RANBP3: variants seen among roughly 807,000 people sequenced by gnomAD.
RANBP3 encodes the protein ran-binding protein 3.
In RANBP3, 14 loss-of-function variants were observed where a neutral mutation model predicts 77.3. That is an observed-to-expected ratio of 0.18 (90% confidence interval 0.12 to 0.28). The LOEUF (loss-of-function observed/expected upper bound fraction) is 0.28. RANBP3 is among the 10% of genes least tolerant of loss of function. RANBP3 has a pLI of 1.00. For synonymous variants in RANBP3, 315 were observed against 312.4 expected (o/e 1.01, Z -0.09); for missense variants, 586 against 752.3 (o/e 0.78, Z 2.59).
rs754727103 is a variant in RANBP3 at position 5,917,919 on chromosome 19, C to T, written c.1535G>A (p.Arg512His). Residue 512 changes from arginine to histidine, a missense_variant, in exon 16 of 17, where the codon CGC becomes CAC. Arg to His is a conservative substitution (Grantham distance 29, BLOSUM62 0). Around this residue, in one of 5 missense-constraint regions of RANBP3, gnomAD observed 128 missense variants for 157.0 expected, o/e 0.82. Coordinates refer to ENST00000340578, the MANE Select transcript of RANBP3 (RefSeq NM_007322.3). ...CTCCTGCTCCTGCTCCACGCGGCTGCGCAGGGCCAGGATGCGGTGGTGCAG... is the reference window on the plus strand; with the variant it reads ...CTCCTGCTCCTGCTCCACGCGGCTGTGCAGGGCCAGGATGCGGTGGTGCAG... ...AALHHRILALRSRVEQEQEAK... is the reference protein window; with the variant it reads ...AALHHRILALHSRVEQEQEAK... The T allele has an allele frequency of 5.0e-6, 8 of 1,612,770 alleles. No individual in the cohort carries two copies. Among genetic ancestry groups the T allele is most frequent in the East Asian group, 2.2e-5 (1 of 44,872 alleles).
chr19:5,977,355 C>T (rs1331512076), intron 1 of RANBP3, among the ~76,000 whole-genome samples: 2 of 152,266 alleles, frequency 1.3e-5, no homozygotes, highest in Non-Finnish European at 2.9e-5. Context: ...GCTGTCAGCG[C>T]TCCACAGAGG....
chr19:5,969,797 AG>A (rs2145271237), intron 1 of RANBP3, among the ~76,000 whole-genome samples: 1 of 152,380 alleles, frequency 6.6e-6, no homozygotes, highest in African/African-American at 2.4e-5. Flanking sequence ...ACATTCTGTC[AG>A]GTCCTCACCC....
chr19:5,918,202 G>A (rs986191425), intron 15 of RANBP3, among the ~76,000 whole-genome samples: 11 of 152,196 alleles, frequency 7.2e-5, no homozygotes, highest in Admixed American at 6.5e-5. Context: ...ACTCGACTGT[G>A]ACACCATGAC....
chr19:5,930,660 C>T (rs1299039609), intron 8 of RANBP3, among the ~76,000 whole-genome samples: 1 of 152,188 alleles, frequency 6.6e-6, no homozygotes, highest in Non-Finnish European at 1.5e-5. Flanking sequence ...CCTCCCCTTC[C>T]CGGGCTCAAG....
chr19:5,957,874 A>C, intron 2 of RANBP3, 44 bp downstream of exon 2: 1 of 1,604,146 alleles, frequency 6.2e-7, no homozygotes, highest in East Asian at 2.2e-5. Context: ...AAGAGAGAAC[A>C]AATTAGAGTA....
At position 5,917,583 on chromosome 19, in the gene RANBP3, C is replaced by G; in HGVS notation, c.*27G>C. 6.4e-7 allele frequency: 1 copy of G among 1,568,206 alleles called. No individual in the cohort carries two copies. The highest frequency in any genetic ancestry group is 8.6e-7 in the Non-Finnish European group (1 of 1,161,122). Reference sequence around the variant, plus strand: ...GGTGGATAGACGGACAAAGCAGCAGCCTGGTGTGCAGCCGGGCTCCCGGCC... The same window carrying G: ...GGTGGATAGACGGACAAAGCAGCAGGCTGGTGTGCAGCCGGGCTCCCGGCC... On this transcript the variant is annotated 3_prime_UTR_variant, in exon 17 of 17. Coordinates refer to ENST00000340578, the MANE Select transcript of RANBP3 (RefSeq NM_007322.3).
At chr19:5,936,736 C>T (rs556016298) in intron 5 of RANBP3, among the ~76,000 whole-genome samples, 3 of 152,268 alleles carry the variant, frequency 2.0e-5, no homozygotes, top group Admixed American at 2.0e-4. Flanking sequence ...AAATCTGGGA[C>T]AACCTGAACA....
intron 10 of RANBP3, chr19:5,925,386 A>G: frequency 1.7e-6 from 1 of 573,434 alleles, no homozygotes; most frequent in South Asian, 2.0e-5. Context: ...TGTAGCCTCC[A>G]TGGGCCCCTG....
chr19:5,947,295 C>G (rs1475148970), intron 3 of RANBP3, among the ~76,000 whole-genome samples: 5 of 134,390 alleles, frequency 3.7e-5, no homozygotes, highest in Non-Finnish European at 7.7e-5. Flanking sequence ...GCCTGGGCAA[C>G]AGAGGGAGAC....
rs937190712 is a variant in RANBP3, at chr19:5,958,402, C to T, written c.23-429G>A. ...GCCAGAGGGCAAAAAAAAGGGCCAC[C>T]GCTCGCGCTGTTTGCAGACAGTTCT... is the stretch of plus-strand genomic sequence containing the variant. On this transcript the variant is annotated intron_variant, in intron 1 of 16. Coordinates refer to ENST00000340578, the MANE Select transcript of RANBP3 (RefSeq NM_007322.3). The surrounding 1 kb of genome is among the most constrained non-coding windows in gnomAD (Gnocchi z 4.4). Among the ~76,000 whole-genome samples, 14 of 152,220 alleles carry T rather than the reference C, an allele frequency of 9.2e-5. No homozygotes were observed. Among genetic ancestry groups the T allele is most frequent in the Non-Finnish European group, 8.8e-5 (6 of 68,036 alleles).
intron 9 of RANBP3, 158 bp from the exon 10 acceptor site, chr19:5,925,895 G>A (rs1324597942): frequency 2.4e-5 from 15 of 622,580 alleles, no homozygotes; most frequent in Non-Finnish European, 4.1e-5. Flanking sequence ...GTGCTGGGGG[G>A]CAGGGCTATA....
chr19:5,928,355 CT>C, intron 8 of RANBP3: 2 of 292,254 alleles, frequency 6.8e-6, no homozygotes, highest in Non-Finnish European at 1.3e-5. Context: ...CTGCAGAAGC[CT>C]TAGTGCCGGC....
At position 5,917,183 on chromosome 19, in the gene RANBP3, A is replaced by G. The variant is rs375196901; in HGVS notation, c.*427T>C. 15 of 257,520 alleles carry G rather than the reference A, an allele frequency of 5.8e-5. No homozygotes were observed. The highest frequency in any genetic ancestry group is 2.9e-4 in the South Asian group (7 of 24,538). 16.0% of individuals were successfully genotyped at this position (257,520 alleles called of 1,614,324 possible). ...TAGTTGGGGAGCCCTGGGCAGGGGC[A>G]GAGGGCTGGCTGCTCCCCACAAAGG... On this transcript the variant is annotated 3_prime_UTR_variant, in exon 17 of 17. Transcript: ENST00000340578.
chr19:5,932,763 G>A (rs1422100191), intron 6 of RANBP3: 11 of 566,142 alleles, frequency 1.9e-5, no homozygotes, highest in African/African-American at 5.7e-5. Flanking sequence ...AGTGACCGAC[G>A]CCTGTGAATT....
Position 5,951,450 on chromosome 19 carries a change from A to T in RANBP3, c.225T>A (p.Thr75=). The T allele has an allele frequency of 6.2e-7, 1 of 1,600,508 alleles. No individual in the cohort carries two copies. The highest frequency in any genetic ancestry group is 8.5e-7 in the Non-Finnish European group (1 of 1,173,162). Residue 75 remains threonine (T), a synonymous_variant, in exon 3 of 17, where the codon ACT becomes ACA. Coordinates refer to ENST00000340578, the MANE Select transcript of RANBP3 (RefSeq NM_007322.3). ...GGGCTTCAGGAGCGGGAGGCGGAGGAGTGCTGGCTGAGGCGCCAGCAGGGG... is the reference window on the plus strand; with the variant it reads ...GGGCTTCAGGAGCGGGAGGCGGAGGTGTGCTGGCTGAGGCGCCAGCAGGGG... ...PPAPAGASAS[T]PPPPAPEAQL...
chr19:5,917,702 G>T (rs1355202301), intron 16 of RANBP3, 49 bp from the exon 17 acceptor site: 17 of 1,594,048 alleles, frequency 1.1e-5, no homozygotes, highest in Non-Finnish European at 1.4e-5. Flanking sequence ...GCACTTCCCA[G>T]GTCTGGCCAC....
rs1197479476 is a variant in RANBP3, at chr19:5,924,069, G to A, written c.997-155C>T. ...CCTGAACTGCCTGGGAGCTCCCCAC[G>A]TGGTCCCTCAGGCATCACTACGGGG... On this transcript the variant is annotated intron_variant, in intron 11 of 16. Coordinates refer to ENST00000340578, the MANE Select transcript of RANBP3 (RefSeq NM_007322.3). The surrounding 1 kb of genome is among the most constrained non-coding windows in gnomAD (Gnocchi z 4.7). Among the ~76,000 whole-genome samples, 2 of 152,160 alleles carry A rather than the reference G, an allele frequency of 1.3e-5. No homozygotes were observed. Among genetic ancestry groups the A allele is most frequent in the Non-Finnish European group, 2.9e-5 (2 of 68,038 alleles).
chr19:5,957,812 C>G, intron 2 of RANBP3, 106 bp downstream of exon 2: 1 of 1,220,528 alleles, frequency 8.2e-7, no homozygotes, highest in Non-Finnish European at 1.2e-6. Flanking sequence ...GTCTCCCCGT[C>G]TGTGGGCAGA....
chr19:5,918,005 C>A (rs775801186), intron 15 of RANBP3, 25 bp from the exon 16 acceptor site: 37 of 1,557,524 alleles, frequency 2.4e-5, no homozygotes, highest in South Asian at 9.6e-5. Flanking sequence ...GGGTATGAGA[C>A]CCCCGGACCC....
Sources: allele counts gnomAD v4.1 joint callset (sites outside exome capture counted in the v4.1 genomes callset), GRCh38; gene constraint gnomAD v4.1.1; regional missense constraint gnomAD v4.1.1; non-coding constraint Gnocchi (gnomAD v3.1); transcripts MANE v1.5; gene names NCBI Gene and HGNC (gene_info 2026-07-23, HGNC 2026-07-21).